The following AKAP6 variants were observed in gnomAD, a reference collection of about 807,000 sequenced individuals.
AKAP6 encodes A-kinase anchoring protein 6, also known as A-kinase anchor protein 6.
Under a neutral mutation model 188.5 loss-of-function variants are expected in AKAP6, and 58 were observed. That is an observed-to-expected ratio of 0.31 (90% CI 0.25 to 0.38). The LOEUF is 0.38. AKAP6 is among the 10% of genes least tolerant of loss of function. The pLI is 1.00. For synonymous variants in AKAP6, 989 were observed against 998.6 expected (o/e 0.99, Z 0.18); for missense variants, 2,710 against 2,740.0 (o/e 0.99, Z 0.24).
chr14:32,751,348 A>G (rs2032131358), intron 11 of AKAP6, among the ~76,000 whole-genome samples: 2 of 152,124 alleles, frequency 1.3e-5, no homozygotes, highest in Non-Finnish European at 2.9e-5. Flanking sequence ...AAATTTTTCT[A>G]AGGGCAGCAT....
At chr14:32,792,447 G>A (rs916753547) in intron 12 of AKAP6, among the ~76,000 whole-genome samples, 2 of 152,176 alleles carry the variant, frequency 1.3e-5, no homozygotes, top group African/African-American at 4.8e-5. Context: ...AGGAATGCTT[G>A]TGATTTTTGC....
intron 8 of AKAP6, among the ~76,000 whole-genome samples, chr14:32,682,995 CT>C (rs71115090): frequency 1.8e-4 from 25 of 142,264 alleles, no homozygotes; most frequent in African/African-American, 2.9e-4. Flanking sequence ...TTTTTTCTTC[CT>C]TTTTTTTTTG....
intron 11 of AKAP6, among the ~76,000 whole-genome samples, chr14:32,745,722 A>G (rs980384238): frequency 2.0e-5 from 3 of 152,158 alleles, no homozygotes; most frequent in African/African-American, 7.2e-5. Flanking sequence ...AGCAGGTGGC[A>G]AAGCCAGCTC....
At chr14:32,783,551 G>T (rs1338712067) in intron 12 of AKAP6, among the ~76,000 whole-genome samples, 1 of 151,994 alleles carries the variant, frequency 6.6e-6, no homozygotes, top group Non-Finnish European at 1.5e-5. Context: ...AGATTACCCT[G>T]AAGCCTGGCA....
chr14:32,653,044 C>A (rs187738800), intron 7 of AKAP6, among the ~76,000 whole-genome samples: 121 of 152,206 alleles, frequency 7.9e-4, no homozygotes, highest in Admixed American at 6.4e-3. Context: ...CAGAGCGAGA[C>A]CCTGTCTCAA....
intron 4 of AKAP6, among the ~76,000 whole-genome samples, chr14:32,553,475 A>T (rs1162639729): frequency 1.3e-5 from 2 of 152,012 alleles, no homozygotes. Flanking sequence ...CCTGGCCAAG[A>T]TTTCTTTATT....
intron 10 of AKAP6, chr14:32,732,838 G>A: frequency 3.3e-6 from 2 of 603,930 alleles, no homozygotes; most frequent in Non-Finnish European, 5.8e-6. Flanking sequence ...TTTAATACAT[G>A]AAAAAGTAAG....
At chr14:32,444,444 G>C (rs1270952903) in intron 2 of AKAP6, among the ~76,000 whole-genome samples, 1 of 152,174 alleles carries the variant, frequency 6.6e-6, no homozygotes, top group East Asian at 1.9e-4. Flanking sequence ...AGAATAAAAA[G>C]GAACTGAATA....
chr14:32,824,826 T>A lies in AKAP6; in HGVS notation c.*42+11T>A, dbSNP rs1212853341. 1 of 1,543,270 alleles carries A rather than the reference T, an allele frequency of 6.5e-7. No individual in the cohort carries two copies. ...TCATCTCACTGAAAGGTACGTATAG[T>A]CCTCATGCCGTATATGTATTTAAAA... is the stretch of plus-strand genomic sequence containing the variant. On this transcript the variant is annotated intron_variant, in intron 13 of 13. Coordinates refer to ENST00000280979, the MANE Select transcript of AKAP6 (RefSeq NM_004274.5).
intron 7 of AKAP6, among the ~76,000 whole-genome samples, chr14:32,638,224 A>C (rs1429753484): frequency 6.6e-6 from 1 of 152,008 alleles, no homozygotes; most frequent in Non-Finnish European, 1.5e-5. Flanking sequence ...AAGTGAAAAG[A>C]CATAAGAAGG....
intron 7 of AKAP6, among the ~76,000 whole-genome samples, chr14:32,656,169 A>G (rs545241116): frequency 2.0e-5 from 3 of 152,258 alleles, no homozygotes; most frequent in Admixed American, 1.3e-4. Context: ...TCATGAAGCA[A>G]TATTTATAGC....
At chr14:32,588,158 T>C (rs1040438462) in intron 5 of AKAP6, among the ~76,000 whole-genome samples, 26 of 152,196 alleles carry the variant, frequency 1.7e-4, no homozygotes, top group African/African-American at 6.3e-4. Flanking sequence ...TATGGAAAAA[T>C]GCATACACTT....
intron 3 of AKAP6, among the ~76,000 whole-genome samples, chr14:32,542,674 G>A (rs1883012542): frequency 6.6e-6 from 1 of 152,214 alleles, no homozygotes; most frequent in Non-Finnish European, 1.5e-5. Context: ...CCTTGAGGAA[G>A]GAGGGAACAT....
chr14:32,749,372 A>G (rs2032037939), intron 11 of AKAP6, among the ~76,000 whole-genome samples: 1 of 152,218 alleles, frequency 6.6e-6, no homozygotes, highest in South Asian at 2.1e-4. Context: ...CCAATAGCCA[A>G]TTCTGTATAC....
chr14:32,426,590 G>A (rs1418512285), intron 1 of AKAP6, among the ~76,000 whole-genome samples: 1 of 152,088 alleles, frequency 6.6e-6, no homozygotes, highest in Non-Finnish European at 1.5e-5. Context: ...CAATAGAAAG[G>A]TGACTGCCTA....
chr14:32,570,515 CA>C (rs1243020316), intron 4 of AKAP6, among the ~76,000 whole-genome samples: 1 of 152,000 alleles, frequency 6.6e-6, no homozygotes, highest in Non-Finnish European at 1.5e-5. Context: ...AATAATAAAA[CA>C]ATTTTGAGAT....
At chr14:32,524,462 T>C (rs543497190) in intron 2 of AKAP6, among the ~76,000 whole-genome samples, 9 of 152,188 alleles carry the variant, frequency 5.9e-5, no homozygotes, top group African/African-American at 2.2e-4. Flanking sequence ...ATATTTACTA[T>C]ATACATATAT....
At chr14:32,569,168 A>G (rs193272925) in intron 4 of AKAP6, among the ~76,000 whole-genome samples, 1 of 152,302 alleles carries the variant, frequency 6.6e-6, no homozygotes, top group Admixed American at 6.5e-5. Flanking sequence ...GCTTTAGATA[A>G]TACCATTCCA....
chr14:32,641,798 C>T (rs1887768755), intron 7 of AKAP6, among the ~76,000 whole-genome samples: 1 of 151,900 alleles, frequency 6.6e-6, no homozygotes, highest in African/African-American at 2.4e-5. Flanking sequence ...AGAATGGGTA[C>T]AAAAATTCCA....
Sources: allele counts gnomAD v4.1 joint callset (sites outside exome capture counted in the v4.1 genomes callset), GRCh38; gene constraint gnomAD v4.1.1; transcripts MANE v1.5; gene names NCBI Gene and HGNC (gene_info 2026-07-23, HGNC 2026-07-21).